Variants in SLC12A4 observed in about 807,000 individuals in gnomAD.
SLC12A4 encodes the protein solute carrier family 12 member 4.
Under a neutral mutation model 119.2 loss-of-function variants are expected in SLC12A4, and 84 were observed. The observed-to-expected ratio is 0.70, with a 90% CI of 0.59 to 0.85. The LOEUF (loss-of-function observed/expected upper bound fraction) is 0.85. Ranked by LOEUF, SLC12A4 falls within the 40% of genes least tolerant of loss-of-function variation. The probability of loss-of-function intolerance (pLI) is 0.00; values close to 1 mark genes in which losing one functional copy is unlikely to be tolerated. For missense variants in SLC12A4, 1,298 were observed against 1,476.3 expected, an observed-to-expected ratio of 0.88 and a Z score of 1.98; for synonymous variants, 599 against 604.6, an observed-to-expected ratio of 0.99 and a Z score of 0.14.
Position 67,951,218 on chromosome 16 carries a change from T to G in SLC12A4, c.1219A>C (p.Ser407Arg), listed in dbSNP as rs752852592. The change falls in exon 9 of 24, where the codon AGC (serine) becomes CGC (arginine). Residue 407 changes from serine to arginine, a missense_variant. Physicochemically the swap from Ser to Arg is moderately radical, Grantham distance 110. Transcript: ENST00000316341. The surrounding 1 kb of genome is among the most constrained non-coding windows in gnomAD (Gnocchi z 5.2). ...PSADAPSLKESLPLYVVADIA... is the reference protein window; with the variant it reads ...PSADAPSLKERLPLYVVADIA... ...TCAGCGACCACGTACAGAGGCAGGC[T>G]CTCCTTCAGGCTCGGGGCATCTGCG... The G allele has an allele frequency of 3.1e-6, 5 of 1,613,958 alleles. No individual in the cohort carries two copies. The South Asian group carries it at 5.5e-5, about 18-fold the overall frequency.
chr16:67,945,385 G>C lies in SLC12A4; in HGVS notation c.3016C>G (p.Leu1006Val). The change falls in exon 22 of 24, where the codon CTG becomes GTG. Residue 1006 changes from leucine to valine, a missense_variant. By Grantham distance (32) the Leu-to-Val change is conservative. Transcript: ENST00000316341. ...PSHAPDNFRELVHIKPDQSNV... is the reference protein window; with the variant it reads ...PSHAPDNFREVVHIKPDQSNV... ...TGCACTCACGGCTTAATGTGCACCA[G>C]CTCCCGGAAATTGTCAGGGGCATGG... 1.2e-6 allele frequency: 2 copies of C among 1,613,720 alleles called. No homozygotes were observed. Among genetic ancestry groups the C allele is most frequent in the Non-Finnish European group, 1.7e-6 (2 of 1,179,790 alleles).
Position 67,944,771 on chromosome 16 carries a change from T to C in SLC12A4, c.*69A>G. ...GCAGGTGGGTGCTGGGAAGAGGCTG[T>C]TACCCCAGACCACAGCTTGTTATGT... On this transcript the variant is annotated 3_prime_UTR_variant, in exon 24 of 24. Transcript: ENST00000316341. The surrounding 1 kb of genome is among the most constrained non-coding windows in gnomAD (Gnocchi z 6.6). 6.4e-7 allele frequency: 1 copy of C among 1,574,242 alleles called. No homozygotes were observed. The highest frequency in any genetic ancestry group is 8.6e-7 in the Non-Finnish European group (1 of 1,162,026).
intron 13 of SLC12A4, among the ~76,000 whole-genome samples, chr16:67,948,520 C>CATGCA (rs2058377644): frequency 6.6e-6 from 1 of 152,204 alleles, no homozygotes; most frequent in African/African-American, 2.4e-5. Context: ...GAGAGGCTGC[C>CATGCA]ATGCATGAAG....
chr16:67,946,173 T>A lies in SLC12A4; in HGVS notation c.2605A>T (p.Lys869Ter), dbSNP rs564000656. Residue 869 changes from lysine (K) to a stop codon, truncating the protein, a stop_gained and splice_region_variant, in exon 19 of 24, where the codon AAG (lysine) becomes TAG (stop). Coordinates refer to ENST00000316341, the MANE Select transcript of SLC12A4 (RefSeq NM_005072.5). LOFTEE classifies it high-confidence loss of function. ...MLLPFLLRQH[K>*]VWRKCRMRIF... The stretch of plus-strand genomic sequence containing the variant: ...TCTGCACCCACCCCCTGGTCTACCT[T>A]ATGCTGGCGCAGCAGGAAGGGCAGA... 6.2e-7 allele frequency: 1 copy of A among 1,613,918 alleles called. No homozygotes were observed. Among genetic ancestry groups the A allele is most frequent in the African/African-American group, 1.3e-5 (1 of 75,032 alleles).
At chr16:67,952,990 C>T (rs771282728) in intron 6 of SLC12A4, among the ~76,000 whole-genome samples, 3 of 150,668 alleles carry the variant, frequency 2.0e-5, no homozygotes, top group South Asian at 2.1e-4. Flanking sequence ...CCCAGCTACT[C>T]GGGAGGCTGA....
rs180999763 is a variant in SLC12A4, at chr16:67,961,458, C to T, written c.342+117G>A. 1.2e-3 allele frequency: 1,771 copies of T among 1,449,678 alleles called. 1 individual carries two copies. The highest frequency in any genetic ancestry group is 3.2e-3 in the Middle Eastern group (13 of 4,022). The allele number at this position is 1,449,678 out of a possible 1,614,324, so 89.8% of individuals were successfully genotyped here. Reference sequence around the variant, plus strand: ...ATTCAGTGCCCATCCTCCCTGCTCACTATGCTTGGCACCCACTTCCCCCAG... The same window carrying T: ...ATTCAGTGCCCATCCTCCCTGCTCATTATGCTTGGCACCCACTTCCCCCAG... On this transcript the variant is annotated intron_variant, in intron 3 of 23. Coordinates refer to ENST00000316341, the MANE Select transcript of SLC12A4 (RefSeq NM_005072.5).
chr16:67,961,454 C>A, intron 3 of SLC12A4, 121 bp downstream of exon 3: 1 of 1,406,420 alleles, frequency 7.1e-7, no homozygotes, highest in Non-Finnish European at 9.7e-7. Context: ...ATCCTCCCTG[C>A]TCACTATGCT....
chr16:67,947,479 G>A, intron 15 of SLC12A4, 44 bp from the exon 16 acceptor site: 1 of 1,590,458 alleles, frequency 6.3e-7, no homozygotes, highest in Non-Finnish European at 8.6e-7. Context: ...TGCCGCCCAG[G>A]GGGTTCTGTC....
At chr16:67,952,509 C>T (rs2151330131) in intron 6 of SLC12A4, 84 bp from the exon 7 acceptor site, 5 of 1,507,148 alleles carry the variant, frequency 3.3e-6, no homozygotes, top group Non-Finnish European at 4.6e-6. Context: ...TTTACGAGTA[C>T]CTAAAAGAGG....
chr16:67,952,528 A>G (rs2029984617), intron 6 of SLC12A4, 103 bp from the exon 7 acceptor site: 3 of 1,293,468 alleles, frequency 2.3e-6, no homozygotes, highest in South Asian at 2.6e-5. Flanking sequence ...GGCCGGGCGC[A>G]GTGGCTCACG....
In SLC12A4 at chr16:67,945,771, T is replaced by G. The variant is rs1462279119; in HGVS notation, c.2840A>C (p.Glu947Ala). 1 of 1,613,316 alleles carries G rather than the reference T, an allele frequency of 6.2e-7. No homozygotes were observed. Among genetic ancestry groups the G allele is most frequent in the Non-Finnish European group, 8.5e-7 (1 of 1,179,868 alleles). Residue 947 changes from glutamate (E) to alanine (A), a missense_variant, in exon 21 of 24, where the codon GAG becomes GCG. Transcript: ENST00000316341. ...ACCACAAAGGGCACTGACTTCTCGCTCCCGCTCAGTCTTGGTCAGTCTCAT... is the reference window on the plus strand; with the variant it reads ...ACCACAAAGGGCACTGACTTCTCGCGCCCGCTCAGTCTTGGTCAGTCTCAT... ...RQMRLTKTER[E>A]REAQLVKDRH...
chr16:67,946,794 C>T (rs934864464), intron 17 of SLC12A4, 143 bp downstream of exon 17: 67 of 1,238,292 alleles, frequency 5.4e-5, no homozygotes, highest in South Asian at 8.7e-5. Context: ...GGACTGCTGG[C>T]TCCCCCTTGT....
chr16:67,945,228 T>A lies in SLC12A4; in HGVS notation c.3033-8A>T. On this transcript the variant is annotated splice_polypyrimidine_tract_variant and splice_region_variant and intron_variant, in intron 22 of 23. Coordinates refer to ENST00000316341, the MANE Select transcript of SLC12A4 (RefSeq NM_005072.5). Reference sequence around the variant, plus strand: ...CGCACATTGGATTGGTCCCTACACGTAGTGTAGCCAGTCACAGGTCGCCAT... The same window carrying A: ...CGCACATTGGATTGGTCCCTACACGAAGTGTAGCCAGTCACAGGTCGCCAT... 1 of 1,553,586 alleles carries A rather than the reference T, an allele frequency of 6.4e-7. No homozygotes were observed. The highest frequency in any genetic ancestry group is 8.7e-7 in the Non-Finnish European group (1 of 1,147,506).
In SLC12A4 at chr16:67,958,951, G is replaced by T. The variant is rs978769186; in HGVS notation, c.343-907C>A. On this transcript the variant is annotated intron_variant, in intron 3 of 23. Transcript: ENST00000316341. ...GTGGTCACTACAGGTCATGGTAACA[G>T]AATGTGCTTGTATATTTTGTTACTA... Among the ~76,000 whole-genome samples the T allele has an allele frequency of 7.9e-5, 12 of 152,214 alleles. 1 individual carries two copies. Among genetic ancestry groups the T allele is most frequent in the South Asian group, 6.2e-4 (3 of 4,814 alleles).
chr16:67,945,317 C>T (rs1034956756), intron 22 of SLC12A4, 52 bp downstream of exon 22: 2 of 1,577,878 alleles, frequency 1.3e-6, no homozygotes, highest in South Asian at 1.2e-5. Flanking sequence ...TGCCCCACCC[C>T]ACCTCCACCC....
In SLC12A4 at chr16:67,950,803, C is replaced by T. The variant is rs1441687827; in HGVS notation, c.1397-92G>A. The T allele has an allele frequency of 8.0e-6, 12 of 1,507,332 alleles. No individual in the cohort carries two copies. Among genetic ancestry groups the T allele is most frequent in the Non-Finnish European group, 1.0e-5 (11 of 1,102,942 alleles). The allele number at this position is 1,507,332 out of a possible 1,614,324, so 93.4% of individuals were successfully genotyped here. On this transcript the variant is annotated intron_variant, in intron 10 of 23. Transcript: ENST00000316341. The surrounding 1 kb of genome is among the most constrained non-coding windows in gnomAD (Gnocchi z 4.3). ...CCACCCCAGCCAGACTACCAGGACA[C>T]CTACAGCTGGGAGTCTCGTGGTGTG...
Position 67,946,185 on chromosome 16 carries a change from G to A in SLC12A4, c.2593C>T (p.Leu865=). The part of the protein sequence containing the change: ...GGMLMLLPFL[L]RQHKVWRKCR... ...CCCTGGTCTACCTTATGCTGGCGCA[G>A]CAGGAAGGGCAGAAGCATGAGCATG... Residue 865 remains leucine, a synonymous_variant, in exon 19 of 24, where the codon CTG becomes TTG. Coordinates refer to ENST00000316341, the MANE Select transcript of SLC12A4 (RefSeq NM_005072.5). The A allele has an allele frequency of 6.2e-7, 1 of 1,613,918 alleles. No individual in the cohort carries two copies. The highest frequency in any genetic ancestry group is 2.2e-5 in the East Asian group (1 of 44,884).
chr16:67,958,129 C>A, intron 3 of SLC12A4, 85 bp from the exon 4 acceptor site: 2 of 1,477,552 alleles, frequency 1.4e-6, no homozygotes, highest in East Asian at 2.3e-5. Flanking sequence ...AGCAGGCCCC[C>A]TCCCCCAGTG....
In SLC12A4 at chr16:67,944,309, G is replaced by A; in HGVS notation, c.*531C>T. On this transcript the variant is annotated 3_prime_UTR_variant, in exon 24 of 24. Coordinates refer to ENST00000316341, the MANE Select transcript of SLC12A4 (RefSeq NM_005072.5). This position sits in a 1 kb window ranked among gnomAD's most constrained non-coding sequence, Gnocchi z 6.6. ...TCTTCTCTTGGCGCCAGGGGAAACA[G>A]AGCCGGGGCAGCAGGAGGCCCAGAA... is the stretch of plus-strand genomic sequence containing the variant. 1 of 1,407,618 alleles carries A rather than the reference G, an allele frequency of 7.1e-7. No individual in the cohort carries two copies. Among genetic ancestry groups the A allele is most frequent in the Non-Finnish European group, 9.2e-7 (1 of 1,082,874 alleles). The allele number at this position is 1,407,618 out of a possible 1,614,324, so 87.2% of individuals were successfully genotyped here.
Sources: gnomAD v4.1 joint callset for allele counts (sites outside exome capture counted in the v4.1 genomes callset) on GRCh38, gnomAD v4.1.1 for gene constraint, Gnocchi (gnomAD v3.1) non-coding constraint, MANE v1.5 for transcripts, NCBI Gene and HGNC (gene_info 2026-07-23, HGNC 2026-07-21) for gene names.